CCDC152: variants seen among roughly 807,000 people sequenced by gnomAD.
CCDC152 encodes coiled-coil domain containing 152, also known as coiled-coil domain-containing protein 152.
CCDC152 carries 37 observed loss-of-function variants against 38.1 expected under a neutral mutation model. That is an observed-to-expected ratio of 0.97 (90% CI 0.75 to 1.28). CCDC152 has a LOEUF of 1.28. CCDC152 is among the 50% of genes most tolerant of loss of function. The pLI is 0.00. For synonymous variants in CCDC152, 83 were observed against 87.1 expected, an observed-to-expected ratio of 0.95 and a Z score of 0.26; for missense variants, 259 against 292.1, an observed-to-expected ratio of 0.89 and a Z score of 0.83.
Position 42,801,255 on chromosome 5 carries a change from T to C in CCDC152, c.*1474T>C. On this transcript the variant is annotated 3_prime_UTR_variant, in exon 9 of 9. Coordinates refer to ENST00000361970, the MANE Select transcript of CCDC152 (RefSeq NM_001134848.2). ...ATTGTGATGATGCTCATGATGGTAA[T>C]GAGGCGATGGAGTTTCAACTGTTTT... 1 of 1,614,146 alleles carries C rather than the reference T, an allele frequency of 6.2e-7. No homozygotes were observed. The highest frequency in any genetic ancestry group is 1.1e-5 in the South Asian group (1 of 91,080).
intron 3 of CCDC152, among the ~76,000 whole-genome samples, chr5:42,766,414 G>T (rs987676221): frequency 1.3e-5 from 2 of 152,162 alleles, no homozygotes; most frequent in African/African-American, 4.8e-5. Context: ...CCACTGCTGG[G>T]TATATACACA....
intron 2 of CCDC152, among the ~76,000 whole-genome samples, chr5:42,761,216 C>T (rs1223914207): frequency 6.6e-6 from 1 of 152,122 alleles, no homozygotes; most frequent in Non-Finnish European, 1.5e-5. Context: ...AATGTTTAAC[C>T]ATTACAAAAA....
chr5:42,791,472 A>G (rs750616019), intron 6 of CCDC152, among the ~76,000 whole-genome samples: 1 of 152,208 alleles, frequency 6.6e-6, no homozygotes, highest in African/African-American at 2.4e-5. Flanking sequence ...TTTTTGTGAT[A>G]CTTTTTTACC....
Position 42,801,397 on chromosome 5 carries a change from A to AT in CCDC152, c.*1619dup. On this transcript the variant is annotated 3_prime_UTR_variant, in exon 9 of 9. Coordinates refer to ENST00000361970, the MANE Select transcript of CCDC152 (RefSeq NM_001134848.2). ...AGATAGGAATAATGCGTGAAAAATG[A>AT]TTTGTAGAGCTAACATGTGAAATTC... The AT allele has an allele frequency of 1.6e-6, 2 of 1,212,160 alleles. No individual in the cohort carries two copies. The highest frequency in any genetic ancestry group is 2.9e-5 in the South Asian group (2 of 68,180). The allele number at this position is 1,212,160 out of a possible 1,614,324, so 75.1% of individuals were successfully genotyped here.
intron 3 of CCDC152, among the ~76,000 whole-genome samples, chr5:42,766,149 A>G (rs111483768): frequency 3.3e-5 from 5 of 152,350 alleles, no homozygotes; most frequent in African/African-American, 1.2e-4. Context: ...AATGGTAAAC[A>G]GGCATATGAA....
Position 42,763,494 on chromosome 5 carries a change from TGAGGGTA to T in CCDC152, c.193+948_193+954del, listed in dbSNP as rs57487557. On this transcript the variant is annotated intron_variant, in intron 3 of 8. Transcript: ENST00000361970. ...TAGTGAAGACACAGTATGGAAAGGG[TGAGGGTA>T]GGGGAAAAGTAACTACAAAGTGGAG... Among the ~76,000 whole-genome samples the T allele has an allele frequency of 8.3e-3, 1,260 of 152,154 alleles. 12 individuals carry two copies. Among genetic ancestry groups the T allele is most frequent in the African/African-American group, 0.029 (1,220 of 41,508 alleles).
At chr5:42,791,631 A>G (rs1338828610) in intron 6 of CCDC152, among the ~76,000 whole-genome samples, 1 of 151,980 alleles carries the variant, frequency 6.6e-6, no homozygotes, top group East Asian at 1.9e-4. Context: ...TTCTTTCTTT[A>G]CTATCTGTCA....
chr5:42,767,052 C>A (rs1759634135), intron 3 of CCDC152, among the ~76,000 whole-genome samples: 1 of 151,996 alleles, frequency 6.6e-6, no homozygotes, highest in African/African-American at 2.4e-5. Context: ...TATGTAACCA[C>A]AAAAATTATT....
chr5:42,765,120 C>G (rs1161057831), intron 3 of CCDC152, among the ~76,000 whole-genome samples: 1 of 152,094 alleles, frequency 6.6e-6, no homozygotes, highest in Non-Finnish European at 1.5e-5. Context: ...TTTTTATATG[C>G]CAACAGTGAA....
intron 1 of CCDC152, among the ~76,000 whole-genome samples, chr5:42,758,027 A>G (rs1759504214): frequency 6.6e-6 from 1 of 152,228 alleles, no homozygotes; most frequent in African/African-American, 2.4e-5. Flanking sequence ...GAGGCTATTA[A>G]CAAATATTTT....
At chr5:42,775,083 A>G (rs1480535581) in intron 4 of CCDC152, among the ~76,000 whole-genome samples, 2 of 151,960 alleles carry the variant, frequency 1.3e-5, no homozygotes, top group African/African-American at 2.4e-5. Context: ...TGTAATAACT[A>G]CGAAAGCTGT....
chr5:42,800,865 C>T lies in CCDC152; in HGVS notation c.*1084C>T, dbSNP rs199555710. The T allele has an allele frequency of 1.1e-3, 1,709 of 1,614,140 alleles. 1 individual carries two copies. The highest frequency in any genetic ancestry group is 1.5e-3 in the Middle Eastern group (9 of 6,062). On this transcript the variant is annotated 3_prime_UTR_variant, in exon 9 of 9. Transcript: ENST00000361970. ...AGATTCAGTTATGTTCTCCTCTGCC[C>T]GAAGTCCCTGTCAGCTACATAAAGA...
chr5:42,793,943 A>T (rs974746689), intron 6 of CCDC152, among the ~76,000 whole-genome samples: 1 of 152,124 alleles, frequency 6.6e-6, no homozygotes, highest in African/African-American at 2.4e-5. Context: ...ACTGGAAATT[A>T]TACTAGAGAA....
intron 6 of CCDC152, among the ~76,000 whole-genome samples, chr5:42,792,400 T>C (rs1760016798): frequency 6.6e-6 from 1 of 152,234 alleles, no homozygotes; most frequent in Non-Finnish European, 1.5e-5. Context: ...TTTCTCATTA[T>C]CCTTTAGTAT....
intron 6 of CCDC152, among the ~76,000 whole-genome samples, chr5:42,787,057 T>C (rs1272187495): frequency 6.6e-6 from 1 of 152,082 alleles, no homozygotes; most frequent in South Asian, 2.1e-4. Flanking sequence ...ACTTGTTTTA[T>C]GATCAGGCAT....
intron 4 of CCDC152, among the ~76,000 whole-genome samples, chr5:42,777,666 A>T (rs1210067053): frequency 6.6e-6 from 1 of 152,204 alleles, no homozygotes; most frequent in Non-Finnish European, 1.5e-5. Context: ...TCGGTTTCTC[A>T]TCACAACCTT....
chr5:42,787,438 C>T (rs995201157), intron 6 of CCDC152, among the ~76,000 whole-genome samples: 5 of 151,922 alleles, frequency 3.3e-5, no homozygotes, highest in African/African-American at 9.7e-5. Flanking sequence ...CTCTTGATCT[C>T]TTTGAGTTGC....
intron 4 of CCDC152, among the ~76,000 whole-genome samples, chr5:42,778,396 C>T (rs1759795967): frequency 6.6e-6 from 1 of 152,076 alleles, no homozygotes; most frequent in Non-Finnish European, 1.5e-5. Flanking sequence ...GACTTCTTTC[C>T]CACTTCTATT....
rs1411529926 is a variant in CCDC152, at chr5:42,799,456, AGG to A, written c.642_642+1del. On this transcript the variant is annotated frameshift_variant and splice_region_variant, in exon 8 of 9. Coordinates refer to ENST00000361970, the MANE Select transcript of CCDC152 (RefSeq NM_001134848.2). LOFTEE classifies it high-confidence loss of function. Reference sequence around the variant, plus strand: ...TGTTTTGCCACAAAGTATCTACAGAAGGGTATGTGAGTTTTCCTCTCAGTATT... The same window carrying A: ...TGTTTTGCCACAAAGTATCTACAGAAGTATGTGAGTTTTCCTCTCAGTATT... ...STVLPQSIYR[R>X]KLQHFQEEKN... is the part of the protein sequence containing the mutation. 9.2e-6 allele frequency: 14 copies of A among 1,516,294 alleles called. No homozygotes were observed. 93.9% of individuals were successfully genotyped at this position (1,516,294 alleles called of 1,614,324 possible).
Sources: allele counts gnomAD v4.1 joint callset (sites outside exome capture counted in the v4.1 genomes callset), GRCh38; gene constraint gnomAD v4.1.1; transcripts MANE v1.5; gene names NCBI Gene and HGNC (gene_info 2026-07-23, HGNC 2026-07-21).